OR5D16: variants seen among roughly 807,000 people sequenced by gnomAD.
OR5D16 encodes the protein olfactory receptor 5D16.
For missense variants in OR5D16, 477 were observed against 385.5 expected (o/e 1.24, Z -1.99); for synonymous variants, 185 against 153.2 (o/e 1.21, Z -1.53).
rs1854059583 is a variant in OR5D16 at position 55,839,368 on chromosome 11, CTT to C, written c.620_621del (p.Phe207Ter). 1.2e-6 allele frequency: 2 copies of C among 1,613,982 alleles called. No homozygotes were observed. The highest frequency in any genetic ancestry group is 3.3e-5 in the Admixed American group (2 of 59,970). ...CAGTTGCTTCTTTTCACTGTTGCCA[CTT>C]TTAATGAGATAAGCACACTACTCAT... On this transcript the variant is annotated frameshift_variant, in exon 1 of 1. Transcript: ENST00000378396. LOFTEE classifies it low-confidence loss of function (END_TRUNC).
Position 55,839,008 on chromosome 11 carries a change from A to G in OR5D16, c.257A>G (p.Asn86Ser), listed in dbSNP as rs1406034997. Residue 86 changes from asparagine (N) to serine (S), a missense_variant, in exon 1 of 1, where the codon AAC (asparagine) becomes AGC (serine). By Grantham distance (46) the Asn-to-Ser change is conservative. Transcript: ENST00000378396. ...ATCATTGCTCCCATGATGCTGGTGA[A>G]CCTGGTTGTAGAAGATAGAACCATT... is the stretch of plus-strand genomic sequence containing the variant. Reference protein sequence around the residue: ...SSIIAPMMLVNLVVEDRTISF... With the variant: ...SSIIAPMMLVSLVVEDRTISF... 1.9e-6 allele frequency: 3 copies of G among 1,613,962 alleles called. No homozygotes were observed. Among genetic ancestry groups the G allele is most frequent in the East Asian group, 2.2e-5 (1 of 44,884 alleles).
rs771450062 is a variant in OR5D16, at chr11:55,838,913, C to A, written c.162C>A (p.Asn54Lys). The change falls in exon 1 of 1, where the codon AAC becomes AAA. Residue 54 changes from asparagine to lysine, a missense_variant. Physicochemically the swap from Asn to Lys is moderately conservative, Grantham distance 94. Coordinates refer to ENST00000378396, the MANE Select transcript of OR5D16 (RefSeq NM_001005496.1). ...GGATGATAGTGATCATCAAAATTAA[C>A]CCAAAATTGCATACCCCCATGTATT... ...NLGMIVIIKI[N>K]PKLHTPMYFF... 1 of 1,613,944 alleles carries A rather than the reference C, an allele frequency of 6.2e-7. No homozygotes were observed. The highest frequency in any genetic ancestry group is 1.1e-5 in the South Asian group (1 of 91,082).
At position 55,839,378 on chromosome 11, in the gene OR5D16, G is replaced by C. The variant is rs767868149; in HGVS notation, c.627G>C (p.Glu209Asp). The part of the protein sequence containing the change: ...LLLFTVATFN[E>D]ISTLLIILTS... ...TTTTCACTGTTGCCACTTTTAATGAGATAAGCACACTACTCATCATTCTGA... is the reference window on the plus strand; with the variant it reads ...TTTTCACTGTTGCCACTTTTAATGACATAAGCACACTACTCATCATTCTGA... The change falls in exon 1 of 1, where the codon GAG becomes GAC. Residue 209 changes from glutamate to aspartate, a missense_variant. Transcript: ENST00000378396. 6.2e-7 allele frequency: 1 copy of C among 1,614,034 alleles called. No individual in the cohort carries two copies. The highest frequency in any genetic ancestry group is 2.2e-5 in the East Asian group (1 of 44,870).
rs781325014 is a variant in OR5D16 at position 55,838,769 on chromosome 11, A to C, written c.18A>C (p.Arg6Ser). The change falls in exon 1 of 1, where the codon AGA (arginine) becomes AGC (serine). Residue 6 changes from arginine to serine, a missense_variant. Coordinates refer to ENST00000378396, the MANE Select transcript of OR5D16 (RefSeq NM_001005496.1). ...AGGAAAACATGTTTCTGACAGAGAG[A>C]AATACGACATCTGAGGCCACATTCA... MFLTE[R>S]NTTSEATFTL... 8.7e-6 allele frequency: 14 copies of C among 1,608,862 alleles called. No individual in the cohort carries two copies. Among genetic ancestry groups the C allele is most frequent in the Non-Finnish European group, 7.6e-6 (9 of 1,177,892 alleles).
At position 55,838,863 on chromosome 11, in the gene OR5D16, G is replaced by T. The variant is rs745349872; in HGVS notation, c.112G>T (p.Gly38Cys). Reference protein sequence around the residue: ...PLFFVFLAVYGFSVVGNLGMI... With the variant: ...PLFFVFLAVYCFSVVGNLGMI... ...CTTCTTTGTATTTCTGGCAGTCTACGGCTTCAGTGTGGTAGGGAATCTTGG... is the reference window on the plus strand; with the variant it reads ...CTTCTTTGTATTTCTGGCAGTCTACTGCTTCAGTGTGGTAGGGAATCTTGG... The change falls in exon 1 of 1, where the codon GGC becomes TGC. Residue 38 changes from glycine (G) to cysteine (C), a missense_variant. Coordinates refer to ENST00000378396, the MANE Select transcript of OR5D16 (RefSeq NM_001005496.1). The T allele has an allele frequency of 3.1e-6, 5 of 1,613,886 alleles. No homozygotes were observed. Among genetic ancestry groups the T allele is most frequent in the African/African-American group, 1.3e-5 (1 of 74,958 alleles).
Position 55,838,888 on chromosome 11 carries a change from G to A in OR5D16, c.137G>A (p.Gly46Glu). ...VYGFSVVGNL[G>E]MIVIIKINPK... is the part of the protein sequence containing the mutation. ...GGCTTCAGTGTGGTAGGGAATCTTG[G>A]GATGATAGTGATCATCAAAATTAAC... The change falls in exon 1 of 1, where the codon GGG (glycine) becomes GAG (glutamate). Residue 46 changes from glycine (G) to glutamate (E), a missense_variant. Gly to Glu is a moderately conservative substitution (Grantham distance 98, BLOSUM62 -2). Transcript: ENST00000378396. 6.2e-7 allele frequency: 1 copy of A among 1,613,802 alleles called. No homozygotes were observed. The highest frequency in any genetic ancestry group is 2.2e-5 in the East Asian group (1 of 44,856).
Position 55,839,411 on chromosome 11 carries a change from T to A in OR5D16, c.660T>A (p.Tyr220Ter). ...CACTACTCATCATTCTGACATCTTA[T>A]GCATTCATCATTGTCACCACCTTGA... ...ISTLLIILTSYAFIIVTTLKM... is the reference protein window; with the variant it reads ...ISTLLIILTS The change falls in exon 1 of 1, where the codon TAT becomes TAA. Residue 220 changes from tyrosine (Y) to a stop codon, truncating the protein, a stop_gained. Coordinates refer to ENST00000378396, the MANE Select transcript of OR5D16 (RefSeq NM_001005496.1). LOFTEE classifies it low-confidence loss of function (END_TRUNC). 1 of 1,614,042 alleles carries A rather than the reference T, an allele frequency of 6.2e-7. No homozygotes were observed. Among genetic ancestry groups the A allele is most frequent in the Non-Finnish European group, 8.5e-7 (1 of 1,179,930 alleles).
rs745715825 is a variant in OR5D16, at chr11:55,839,249, A to G, written c.498A>G (p.Leu166=). 9 of 1,613,852 alleles carry G rather than the reference A, an allele frequency of 5.6e-6. No individual in the cohort carries two copies. Among genetic ancestry groups the G allele is most frequent in the Non-Finnish European group, 7.6e-6 (9 of 1,179,976 alleles). The change falls in exon 1 of 1, where the codon TTA becomes TTG. Residue 166 remains leucine (L), a synonymous_variant. Transcript: ENST00000378396. ...CCCTGACACTCGCGTGCTCTGCTTT[A>G]AAGTTATCTTTTCATGGTTTCAACA... ...ACSLTLACSA[L]KLSFHGFNTI... is the part of the protein sequence containing the mutation.
Position 55,839,205 on chromosome 11 carries a change from G to A in OR5D16, c.454G>A (p.Ala152Thr). 6.2e-7 allele frequency: 1 copy of A among 1,613,912 alleles called. No individual in the cohort carries two copies. ...LCAMLVVVLY[A>T]WGVACSLTLA... Reference sequence around the variant, plus strand: ...TGCCATGCTGGTGGTTGTATTGTATGCATGGGGAGTCGCATGTTCCCTGAC... The same window carrying A: ...TGCCATGCTGGTGGTTGTATTGTATACATGGGGAGTCGCATGTTCCCTGAC... The change falls in exon 1 of 1, where the codon GCA becomes ACA. Residue 152 changes from alanine to threonine, a missense_variant. Ala to Thr is a moderately conservative substitution (Grantham distance 58). Coordinates refer to ENST00000378396, the MANE Select transcript of OR5D16 (RefSeq NM_001005496.1).
chr11:55,838,927 C>T lies in OR5D16; in HGVS notation c.176C>T (p.Thr59Ile), dbSNP rs764357751. The change falls in exon 1 of 1, where the codon ACC becomes ATC. Residue 59 changes from threonine to isoleucine, a missense_variant. Physicochemically the swap from Thr to Ile is moderately conservative, Grantham distance 89. Coordinates refer to ENST00000378396, the MANE Select transcript of OR5D16 (RefSeq NM_001005496.1). Reference protein sequence around the residue: ...VIIKINPKLHTPMYFFLNHLS... With the variant: ...VIIKINPKLHIPMYFFLNHLS... ...ATCAAAATTAACCCAAAATTGCATA[C>T]CCCCATGTATTTTTTCCTCAACCAC... 3 of 1,613,708 alleles carry T rather than the reference C, an allele frequency of 1.9e-6. No individual in the cohort carries two copies. The highest frequency in any genetic ancestry group is 2.2e-5 in the East Asian group (1 of 44,882).
rs1338195255 is a variant in OR5D16 at position 55,839,127 on chromosome 11, G to T, written c.376G>T (p.Val126Leu). 1.2e-6 allele frequency: 2 copies of T among 1,613,800 alleles called. No homozygotes were observed. Among genetic ancestry groups the T allele is most frequent in the Non-Finnish European group, 1.7e-6 (2 of 1,179,962 alleles). ...TGCGGTGATGGCCTATGACCACTTT[G>T]TGGCCATTTGCAATCCTCTGCTCTA... ...LFAVMAYDHF[V>L]AICNPLLYTV... Residue 126 changes from valine to leucine, a missense_variant, in exon 1 of 1, where the codon GTG (valine) becomes TTG (leucine). Transcript: ENST00000378396.
At position 55,839,199 on chromosome 11, in the gene OR5D16, T is replaced by C; in HGVS notation, c.448T>C (p.Leu150=). 5 of 1,614,000 alleles carry C rather than the reference T, an allele frequency of 3.1e-6. No individual in the cohort carries two copies. Among genetic ancestry groups the C allele is most frequent in the Non-Finnish European group, 3.4e-6 (4 of 1,179,962 alleles). ...QKLCAMLVVV[L]YAWGVACSLT... ...ACTCTGTGCCATGCTGGTGGTTGTA[T>C]TGTATGCATGGGGAGTCGCATGTTC... The change falls in exon 1 of 1, where the codon TTG becomes CTG. Residue 150 remains leucine, a synonymous_variant. Coordinates refer to ENST00000378396, the MANE Select transcript of OR5D16 (RefSeq NM_001005496.1).
chr11:55,839,169 C>T lies in OR5D16; in HGVS notation c.418C>T (p.Gln140Ter). 1.2e-6 allele frequency: 2 copies of T among 1,614,040 alleles called. No homozygotes were observed. Among genetic ancestry groups the T allele is most frequent in the Non-Finnish European group, 1.7e-6 (2 of 1,179,974 alleles). The change falls in exon 1 of 1, where the codon CAG (glutamine) becomes TAG (stop). Residue 140 changes from glutamine to a stop codon, truncating the protein, a stop_gained. Coordinates refer to ENST00000378396, the MANE Select transcript of OR5D16 (RefSeq NM_001005496.1). LOFTEE classifies it low-confidence loss of function (END_TRUNC). ...NPLLYTVAIS[Q>*]KLCAMLVVVL... ...TCTGCTCTACACAGTTGCCATCTCC[C>T]AGAAACTCTGTGCCATGCTGGTGGT...
At position 55,838,784 on chromosome 11, in the gene OR5D16, G is replaced by A. The variant is rs778482059; in HGVS notation, c.33G>A (p.Glu11=). Residue 11 remains glutamate (E), a synonymous_variant, in exon 1 of 1, where the codon GAG becomes GAA. Coordinates refer to ENST00000378396, the MANE Select transcript of OR5D16 (RefSeq NM_001005496.1). MFLTERNTTS[E]ATFTLLGFSD... ...TGACAGAGAGAAATACGACATCTGA[G>A]GCCACATTCACTCTCTTGGGCTTCT... 1.9e-6 allele frequency: 3 copies of A among 1,612,676 alleles called. No homozygotes were observed. Among genetic ancestry groups the A allele is most frequent in the Non-Finnish European group, 2.5e-6 (3 of 1,179,408 alleles).
chr11:55,839,662 G>GA lies in OR5D16; in HGVS notation c.916dup (p.Ile306AsnfsTer10). 6.2e-7 allele frequency: 1 copy of GA among 1,610,214 alleles called. No individual in the cohort carries two copies. Among genetic ancestry groups the GA allele is most frequent in the South Asian group, 1.1e-5 (1 of 90,960 alleles). ...AATAAAGATGTTAAGGATGCAATCC[G>GA]AAAAATAATCAATACAAAATATTTT... On this transcript the variant is annotated frameshift_variant, in exon 1 of 1. Transcript: ENST00000378396. LOFTEE classifies it low-confidence loss of function (END_TRUNC).
Position 55,839,015 on chromosome 11 carries a change from T to C in OR5D16, c.264T>C (p.Val88=). ...CTCCCATGATGCTGGTGAACCTGGT[T>C]GTAGAAGATAGAACCATTTCATTCT... ...IIAPMMLVNL[V]VEDRTISFSG... Residue 88 remains valine (V), a synonymous_variant, in exon 1 of 1, where the codon GTT becomes GTC. Transcript: ENST00000378396. 6.2e-7 allele frequency: 1 copy of C among 1,614,134 alleles called. No homozygotes were observed. The highest frequency in any genetic ancestry group is 8.5e-7 in the Non-Finnish European group (1 of 1,179,988).
chr11:55,839,460 C>G lies in OR5D16; in HGVS notation c.709C>G (p.Arg237Gly), dbSNP rs372076315. The change falls in exon 1 of 1, where the codon CGC becomes GGC. Residue 237 changes from arginine (R) to glycine (G), a missense_variant. Physicochemically the swap from Arg to Gly is moderately radical, Grantham distance 125 (BLOSUM62 -2). Transcript: ENST00000378396. ...TLKMPSASGH[R>G]KVFSTCASHL... Reference sequence around the variant, plus strand: ...GAAGATGCCTTCAGCCAGTGGGCACCGCAAAGTCTTCTCCACCTGTGCCTC... The same window carrying G: ...GAAGATGCCTTCAGCCAGTGGGCACGGCAAAGTCTTCTCCACCTGTGCCTC... The G allele has an allele frequency of 1.2e-6, 2 of 1,613,868 alleles. No homozygotes were observed. The highest frequency in any genetic ancestry group is 2.7e-5 in the African/African-American group (2 of 74,890).
chr11:55,839,372 T>C lies in OR5D16; in HGVS notation c.621T>C (p.Phe207=). 1 of 1,614,114 alleles carries C rather than the reference T, an allele frequency of 6.2e-7. No homozygotes were observed. Among genetic ancestry groups the C allele is most frequent in the Non-Finnish European group, 8.5e-7 (1 of 1,179,966 alleles). Residue 207 remains phenylalanine (F), a synonymous_variant, in exon 1 of 1, where the codon TTT becomes TTC. Coordinates refer to ENST00000378396, the MANE Select transcript of OR5D16 (RefSeq NM_001005496.1). ...TGCTTCTTTTCACTGTTGCCACTTTTAATGAGATAAGCACACTACTCATCA... is the reference window on the plus strand; with the variant it reads ...TGCTTCTTTTCACTGTTGCCACTTTCAATGAGATAAGCACACTACTCATCA... The part of the protein sequence containing the change: ...SQLLLFTVAT[F]NEISTLLIIL...
In OR5D16 at chr11:55,839,101, T is replaced by C. The variant is rs146679837; in HGVS notation, c.350T>C (p.Phe117Ser). Residue 117 changes from phenylalanine to serine, a missense_variant, in exon 1 of 1, where the codon TTT (phenylalanine) becomes TCT (serine). Phe to Ser is a radical substitution (Grantham distance 155). Transcript: ENST00000378396. Reference sequence around the variant, plus strand: ...TTTGTAGTGACTGAATTAATTCTATTTGCGGTGATGGCCTATGACCACTTT... The same window carrying C: ...TTTGTAGTGACTGAATTAATTCTATCTGCGGTGATGGCCTATGACCACTTT... Reference protein sequence around the residue: ...CTFVVTELILFAVMAYDHFVA... With the variant: ...CTFVVTELILSAVMAYDHFVA... The C allele has an allele frequency of 1.1e-5, 17 of 1,613,990 alleles. No individual in the cohort carries two copies. In the African/African-American group the frequency reaches 2.3e-4, roughly 22 times the overall value.
Sources: allele counts gnomAD v4.1 joint callset, GRCh38; gene constraint gnomAD v4.1.1; transcripts MANE v1.5; gene names NCBI Gene and HGNC (gene_info 2026-07-23, HGNC 2026-07-21).